Variants in INPP5F observed in about 807,000 individuals in gnomAD.
INPP5F encodes phosphatidylinositide 4-phosphatase SAC2.
A neutral mutation model predicts 137.2 loss-of-function variants in INPP5F; 97 were observed. The ratio of observed to expected loss-of-function variants is 0.71; its 90% CI spans 0.60 to 0.84. The LOEUF (loss-of-function observed/expected upper bound fraction) is 0.84, where lower values mean the gene tolerates loss of function less well. INPP5F is among the 40% of genes least tolerant of loss of function. The pLI, the probability that INPP5F is intolerant of heterozygous loss-of-function variation, is 0.00. For missense variants in INPP5F, 1,271 were observed against 1,371.9 expected (o/e 0.93, Z 1.16); for synonymous variants, 504 against 476.9 (o/e 1.06, Z -0.74).
At chr10:119,777,037 C>T (rs1017494459) in intron 2 of INPP5F, among the ~76,000 whole-genome samples, 20 of 152,104 alleles carry the variant, frequency 1.3e-4, no homozygotes, top group African/African-American at 4.1e-4. Context: ...AGGCATGAGC[C>T]ACCGCACCTG....
chr10:119,797,491 A>G lies in INPP5F; in HGVS notation c.899A>G (p.Lys300Arg). The G allele has an allele frequency of 1.2e-6, 2 of 1,611,788 alleles. No homozygotes were observed. Among genetic ancestry groups the G allele is most frequent in the Non-Finnish European group, 1.7e-6 (2 of 1,178,796 alleles). Residue 300 changes from lysine to arginine, a missense_variant, in exon 8 of 20, where the codon AAA (lysine) becomes AGA (arginine). By Grantham distance (26) the Lys-to-Arg change is conservative. This residue lies in a region of INPP5F where 593 missense variants were observed against 712.4 expected (regional missense o/e 0.83). Transcript: ENST00000650623. ...CGCTATAAACGAAGAGGAGTGGATA[A>G]AAATGGAAATGTTGCCAATTATGTG... ...GMRYKRRGVD[K>R]NGNVANYVET...
chr10:119,794,932 G>C (rs566707299), intron 6 of INPP5F, among the ~76,000 whole-genome samples: 2 of 136,234 alleles, frequency 1.5e-5, no homozygotes, highest in South Asian at 5.5e-4. Flanking sequence ...GGATGGGGCG[G>C]CTGGCCGGGC....
At chr10:119,780,780 CTG>C (rs1396542474) in intron 2 of INPP5F, among the ~76,000 whole-genome samples, 2 of 152,134 alleles carry the variant, frequency 1.3e-5, no homozygotes, top group Non-Finnish European at 2.9e-5. Flanking sequence ...AGTTTAAAAA[CTG>C]TTTACCATAG....
chr10:119,791,854 ATT>A lies in INPP5F; in HGVS notation c.445-14_445-13del. On this transcript the variant is annotated splice_polypyrimidine_tract_variant and intron_variant, in intron 4 of 19. Transcript: ENST00000650623. ...CATTTAATTTCTGTAGTAATAGTAG[ATT>A]AATTTCTTATAGGTTAAGGAAAGTA... is the stretch of plus-strand genomic sequence containing the variant. 6.4e-7 allele frequency: 1 copy of A among 1,561,636 alleles called. No homozygotes were observed. Among genetic ancestry groups the A allele is most frequent in the Non-Finnish European group, 8.7e-7 (1 of 1,149,166 alleles).
At chr10:119,821,947 C>T (rs1346959765) in intron 16 of INPP5F, among the ~76,000 whole-genome samples, 2 of 144,514 alleles carry the variant, frequency 1.4e-5, no homozygotes, top group African/African-American at 2.6e-5. Flanking sequence ...CTGCTCACTG[C>T]AACCTCCGCC....
At chr10:119,792,122 G>C in intron 5 of INPP5F, 35 bp from the exon 6 acceptor site, 1 of 1,614,054 alleles carries the variant, frequency 6.2e-7, no homozygotes. Flanking sequence ...CTGAAATAAT[G>C]TGTTTCTGAA....
chr10:119,817,568 G>T (rs1402736469), intron 15 of INPP5F, among the ~76,000 whole-genome samples: 1 of 151,766 alleles, frequency 6.6e-6, no homozygotes, highest in African/African-American at 2.4e-5. Context: ...TTGTGGTTTT[G>T]ATTTGCATTT....
At chr10:119,797,424 T>A (rs764120679) in intron 7 of INPP5F, 37 bp from the exon 8 acceptor site, 3 of 1,505,000 alleles carry the variant, frequency 2.0e-6, no homozygotes, top group Admixed American at 2.0e-5. Flanking sequence ...ATAAATTTTT[T>A]AAAATGTTGC....
intron 1 of INPP5F, among the ~76,000 whole-genome samples, chr10:119,726,773 G>T (rs1564793982): frequency 6.6e-6 from 1 of 152,248 alleles, no homozygotes; most frequent in South Asian, 2.1e-4. Context: ...GATCTGGAGC[G>T]GTTGCGCCAG....
intron 2 of INPP5F, among the ~76,000 whole-genome samples, chr10:119,766,275 G>A (rs1849162555): frequency 6.6e-6 from 1 of 152,134 alleles, no homozygotes. Flanking sequence ...CAATTCAAAT[G>A]CAAATCTCTT....
chr10:119,741,860 T>TCTCA (rs1177882205), intron 1 of INPP5F, among the ~76,000 whole-genome samples: 1 of 150,726 alleles, frequency 6.6e-6, no homozygotes, highest in Non-Finnish European at 1.5e-5. Context: ...TGAGATGGAG[T>TCTCA]CTCACTCTGT....
chr10:119,795,485 C>T (rs544236606), intron 6 of INPP5F, among the ~76,000 whole-genome samples: 1 of 151,616 alleles, frequency 6.6e-6, no homozygotes, highest in Admixed American at 6.6e-5. Flanking sequence ...CGATGGGCGG[C>T]CGGGCAGAGA....
chr10:119,795,938 CG>C lies in INPP5F; in HGVS notation c.670-776del, dbSNP rs879557849. On this transcript the variant is annotated intron_variant, in intron 6 of 19. Transcript: ENST00000650623. ...CAAAAAAATATGAAAACCAGTCAGGCGTGGCGGCGCGCGCCTGCAATCGCAG... is the reference window on the plus strand; with the variant it reads ...CAAAAAAATATGAAAACCAGTCAGGCTGGCGGCGCGCGCCTGCAATCGCAG... Among the ~76,000 whole-genome samples the C allele has an allele frequency of 6.3e-4, 96 of 152,214 alleles. 1 individual carries two copies. The highest frequency in any genetic ancestry group is 5.7e-3 in the Admixed American group (88 of 15,306).
intron 2 of INPP5F, among the ~76,000 whole-genome samples, chr10:119,776,743 A>G (rs564961051): frequency 6.6e-6 from 1 of 151,462 alleles, no homozygotes; most frequent in African/African-American, 2.4e-5. Flanking sequence ...TTGAGTCATA[A>G]AGATTTCTTG....
intron 9 of INPP5F, among the ~76,000 whole-genome samples, chr10:119,803,276 T>C (rs1204138384): frequency 1.3e-5 from 2 of 152,230 alleles, no homozygotes; most frequent in Non-Finnish European, 2.9e-5. Flanking sequence ...TTAGAAAAAC[T>C]ATTTAGATTC....
At chr10:119,794,333 G>T (rs1850250214) in intron 6 of INPP5F, among the ~76,000 whole-genome samples, 1 of 152,194 alleles carries the variant, frequency 6.6e-6, no homozygotes, top group African/African-American at 2.4e-5. Flanking sequence ...ACAGGGTTGG[G>T]GGGTAAGGTC....
intron 2 of INPP5F, among the ~76,000 whole-genome samples, chr10:119,763,433 T>TA (rs1261932603): frequency 6.6e-6 from 1 of 152,262 alleles, no homozygotes; most frequent in African/African-American, 2.4e-5. Context: ...GATGATCTCT[T>TA]AATCACCTTT....
intron 2 of INPP5F, among the ~76,000 whole-genome samples, chr10:119,751,995 G>T (rs181626897): frequency 1.3e-5 from 2 of 152,140 alleles, no homozygotes; most frequent in Admixed American, 6.5e-5. Flanking sequence ...ATTTTGATGA[G>T]TTATGAATTA....
At chr10:119,820,069 A>G (rs1261760534) in intron 15 of INPP5F, among the ~76,000 whole-genome samples, 2 of 152,204 alleles carry the variant, frequency 1.3e-5, no homozygotes, top group African/African-American at 2.4e-5. Context: ...TTGTTAGATT[A>G]ATATTAGACT....
Sources: gnomAD v4.1 joint callset for allele counts (sites outside exome capture counted in the v4.1 genomes callset) on GRCh38, gnomAD v4.1.1 for gene constraint, gnomAD v4.1.1 regional missense constraint, MANE v1.5 for transcripts, NCBI Gene and HGNC (gene_info 2026-07-23, HGNC 2026-07-21) for gene names.